PPM1L: variants seen among roughly 807,000 people sequenced by gnomAD.
The protein encoded by PPM1L is protein phosphatase, Mg2+/Mn2+ dependent 1L.
In PPM1L, 13 loss-of-function variants were observed where a neutral mutation model predicts 31.4. That is an observed-to-expected ratio of 0.41 (90% CI 0.27 to 0.66). The LOEUF (loss-of-function observed/expected upper bound fraction) is 0.66. PPM1L is among the 30% of genes least tolerant of loss of function. The probability of loss-of-function intolerance (pLI) is 0.29; values close to 1 mark genes in which losing one functional copy is unlikely to be tolerated. For synonymous variants in PPM1L, 184 were observed against 175.4 expected, an observed-to-expected ratio of 1.05 and a Z score of -0.39; for missense variants, 326 against 453.7, an observed-to-expected ratio of 0.72 and a Z score of 2.56.
intron 1 of PPM1L, among the ~76,000 whole-genome samples, chr3:160,910,318 C>G (rs1041568870): frequency 6.2e-5 from 9 of 145,596 alleles, no homozygotes; most frequent in African/African-American, 2.3e-4. Flanking sequence ...TTCCCCTCCC[C>G]TCCCCTCCCC....
At chr3:160,967,166 A>G (rs1210631909) in intron 2 of PPM1L, among the ~76,000 whole-genome samples, 1 of 151,954 alleles carries the variant, frequency 6.6e-6, no homozygotes, top group East Asian at 1.9e-4. Context: ...CTCTTCTCGT[A>G]TGCCACCATG....
intron 1 of PPM1L, among the ~76,000 whole-genome samples, chr3:160,921,307 G>A (rs1182302934): frequency 6.6e-6 from 1 of 152,178 alleles, no homozygotes; most frequent in African/African-American, 2.4e-5. Context: ...GGCAGTGAGT[G>A]ATATGAGATT....
intron 1 of PPM1L, among the ~76,000 whole-genome samples, chr3:160,862,415 T>G (rs1435236382): frequency 6.6e-6 from 1 of 152,164 alleles, no homozygotes; most frequent in East Asian, 1.9e-4. Context: ...GAAGGTATGT[T>G]TTCTGGAAAC....
chr3:160,832,794 T>G (rs1713562997), intron 1 of PPM1L, among the ~76,000 whole-genome samples: 1 of 152,210 alleles, frequency 6.6e-6, no homozygotes, highest in African/African-American at 2.4e-5. Context: ...AAGATACATG[T>G]GCAGGATATG....
intron 1 of PPM1L, among the ~76,000 whole-genome samples, chr3:160,954,932 CTTCCTTCCTTCCTTCCTTCCTTCCTTCCT>C (rs1412066253): frequency 2.5e-5 from 1 of 39,450 alleles, no homozygotes; most frequent in Non-Finnish European, 8.5e-5. Context: ...TCTTTCCTTC[CTTCCTTCCTTCCTTCCTTCCTTCCTTCCT>C]TTCCTTTCCT....
chr3:160,839,219 T>A (rs1434482189), intron 1 of PPM1L, among the ~76,000 whole-genome samples: 1 of 152,250 alleles, frequency 6.6e-6, no homozygotes. Flanking sequence ...GAAAACAGAC[T>A]AAGACAACTT....
chr3:161,022,060 T>C (rs1434413767), intron 2 of PPM1L: 4 of 560,362 alleles, frequency 7.1e-6, no homozygotes, highest in Non-Finnish European at 1.3e-5. Context: ...TTATATGTCT[T>C]ATGTATTTTG....
chr3:160,960,153 A>G (rs1318456422), intron 1 of PPM1L, among the ~76,000 whole-genome samples: 38 of 152,060 alleles, frequency 2.5e-4, no homozygotes, highest in Admixed American at 2.5e-3. Flanking sequence ...TGTATCATAT[A>G]TATATATATA....
chr3:161,033,130 AC>A (rs1399002155), intron 2 of PPM1L, among the ~76,000 whole-genome samples: 4 of 152,192 alleles, frequency 2.6e-5, no homozygotes, highest in African/African-American at 9.7e-5. Context: ...AATACAACTT[AC>A]AAGGGATCTG....
At chr3:160,885,718 C>T (rs1024596361) in intron 1 of PPM1L, among the ~76,000 whole-genome samples, 4 of 152,246 alleles carry the variant, frequency 2.6e-5, no homozygotes, top group African/African-American at 4.8e-5. Context: ...CTGTCAGCCA[C>T]GGATCGGAAG....
chr3:161,014,631 C>T (rs564843394), intron 2 of PPM1L, among the ~76,000 whole-genome samples: 11 of 152,162 alleles, frequency 7.2e-5, no homozygotes, highest in East Asian at 1.9e-4. Flanking sequence ...CACGCCACCA[C>T]GCCCAGCTAA....
chr3:160,790,083 C>A (rs1361327994), intron 1 of PPM1L, among the ~76,000 whole-genome samples: 1 of 152,034 alleles, frequency 6.6e-6, no homozygotes, highest in Non-Finnish European at 1.5e-5. Context: ...AAGTTCAGTA[C>A]ATGAAACCAT....
chr3:160,846,349 G>T (rs775563493), intron 1 of PPM1L, among the ~76,000 whole-genome samples: 1 of 151,966 alleles, frequency 6.6e-6, no homozygotes. Flanking sequence ...CAGTTATTTT[G>T]CTCTAAGACA....
At position 160,958,418 on chromosome 3, in the gene PPM1L, T is replaced by G. The variant is rs141479611; in HGVS notation, c.400-3318T>G. 5.3e-5 allele frequency among the ~76,000 whole-genome samples: 8 copies of G among 152,246 alleles called. No homozygotes were observed. In the East Asian group the frequency reaches 1.5e-3, roughly 29 times the overall value. On this transcript the variant is annotated intron_variant, in intron 1 of 3. Transcript: ENST00000498165. The stretch of plus-strand genomic sequence containing the variant: ...ATGGTGTGCTTTCAATAATATAGAG[T>G]ACATCAATATTTGTAAAATGTGAAT...
At chr3:160,903,993 A>G (rs1713657379) in intron 1 of PPM1L, among the ~76,000 whole-genome samples, 1 of 151,930 alleles carries the variant, frequency 6.6e-6, no homozygotes, top group Non-Finnish European at 1.5e-5. Context: ...CCTTGTTTCC[A>G]TTTTTGCCTT....
Position 161,078,791 on chromosome 3 carries a change from T to TA in PPM1L, c.*9636dup, listed in dbSNP as rs1384074211. The TA allele has an allele frequency of 6.6e-6, 1 of 152,204 alleles. No individual in the cohort carries two copies. The highest frequency in any genetic ancestry group is 1.5e-5 in the Non-Finnish European group (1 of 68,034). 9.4% of individuals were successfully genotyped at this position (152,204 alleles called of 1,614,324 possible). On this transcript the variant is annotated 3_prime_UTR_variant, in exon 4 of 4. Coordinates refer to ENST00000498165, the MANE Select transcript of PPM1L (RefSeq NM_139245.4). Reference sequence around the variant, plus strand: ...CGGGTAGAATTAGCCTTGTAGAGACTAATGTGTTCATGCTATCTCTGATCC... The same window carrying TA: ...CGGGTAGAATTAGCCTTGTAGAGACTAAATGTGTTCATGCTATCTCTGATCC...
At chr3:160,975,917 A>T (rs1357908805) in intron 2 of PPM1L, among the ~76,000 whole-genome samples, 3 of 148,164 alleles carry the variant, frequency 2.0e-5, no homozygotes, top group African/African-American at 7.5e-5. Flanking sequence ...TATGTTGAAT[A>T]GGAGTGGTGA....
intron 2 of PPM1L, among the ~76,000 whole-genome samples, chr3:161,033,209 A>G (rs1718632865): frequency 6.6e-6 from 1 of 152,178 alleles, no homozygotes; most frequent in South Asian, 2.1e-4. Flanking sequence ...AACAAATGGA[A>G]AAATGTTTCA....
intron 1 of PPM1L, among the ~76,000 whole-genome samples, chr3:160,804,066 C>T (rs372718213): frequency 1.1e-4 from 16 of 151,804 alleles, no homozygotes; most frequent in African/African-American, 2.7e-4. Flanking sequence ...TACAGGCGCC[C>T]GCCACCACGC....
Sources: gnomAD v4.1 joint callset for allele counts (sites outside exome capture counted in the v4.1 genomes callset) on GRCh38, gnomAD v4.1.1 for gene constraint, MANE v1.5 for transcripts, NCBI Gene and HGNC (gene_info 2026-07-23, HGNC 2026-07-21) for gene names.